The following GLIS3 variants were observed in gnomAD, a reference collection of about 807,000 sequenced individuals.
GLIS3 encodes the protein zinc finger protein GLIS3.
Under a neutral mutation model 78.6 loss-of-function variants are expected in GLIS3, and 53 were observed. The ratio of observed to expected loss-of-function variants is 0.67; its 90% CI spans 0.54 to 0.85. GLIS3 has a LOEUF of 0.85. GLIS3 is among the 40% of genes least tolerant of loss of function. GLIS3 has a pLI of 0.00. For missense variants in GLIS3, 1,703 were observed against 1,231.1 expected (o/e 1.38, Z -5.74); for synonymous variants, 684 against 509.9 (o/e 1.34, Z -4.60).
At chr9:4,158,301 CAT>C (rs1305148720) in intron 2 of GLIS3, among the ~76,000 whole-genome samples, 6 of 152,190 alleles carry the variant, frequency 3.9e-5, no homozygotes, top group Non-Finnish European at 7.3e-5. Context: ...TCAGTAAACA[CAT>C]GTTTGCCATA....
At chr9:4,344,217 A>G (rs1005935900) in intron 2 of GLIS3, among the ~76,000 whole-genome samples, 5 of 151,872 alleles carry the variant, frequency 3.3e-5, no homozygotes, top group African/African-American at 1.2e-4. Context: ...CACCATTTTT[A>G]TTTGCCCCAG....
At chr9:4,222,902 G>A (rs1378659365) in intron 2 of GLIS3, among the ~76,000 whole-genome samples, 1 of 152,168 alleles carries the variant, frequency 6.6e-6, no homozygotes, top group African/African-American at 2.4e-5. Flanking sequence ...ACTGAGCAGA[G>A]GGAACGGGGA....
intron 2 of GLIS3, among the ~76,000 whole-genome samples, chr9:4,280,160 C>T (rs1827415497): frequency 6.6e-6 from 1 of 152,204 alleles, no homozygotes; most frequent in Non-Finnish European, 1.5e-5. Context: ...GCTGCGTCAA[C>T]AGGCACATGC....
chr9:3,838,544 G>T (rs970825344), intron 9 of GLIS3, among the ~76,000 whole-genome samples: 1 of 152,154 alleles, frequency 6.6e-6, no homozygotes, highest in African/African-American at 2.4e-5. Flanking sequence ...AAAGACAACA[G>T]CAAGTATAAG....
At chr9:4,474,985 A>ATTTTTT in the GLIS3 span, among the ~76,000 whole-genome samples, 3,540 of 114,078 alleles carry the variant, frequency 0.031, 359 homozygotes, top group Non-Finnish European at 0.037. Flanking sequence ...GACTATGTTA[A>ATTTTTT]TTTTTTTTTC....
intron 4 of GLIS3, among the ~76,000 whole-genome samples, chr9:4,100,181 C>G (rs1773639280): frequency 6.6e-6 from 1 of 152,162 alleles, no homozygotes; most frequent in African/African-American, 2.4e-5. Context: ...GAAACCAGAA[C>G]AGGTGGTGTA....
intron 2 of GLIS3, among the ~76,000 whole-genome samples, chr9:4,227,442 C>G (rs918043914): frequency 6.6e-6 from 1 of 152,134 alleles, no homozygotes; most frequent in African/African-American, 2.4e-5. Context: ...ATTGATCTCT[C>G]TGATATGGAG....
intron 8 of GLIS3, among the ~76,000 whole-genome samples, chr9:3,869,268 TGTGTGTGTG>T (rs1563795501): frequency 4.3e-4 from 3 of 7,018 alleles, no homozygotes; most frequent in East Asian, 0.12. Flanking sequence ...TTATCTAGGG[TGTGTGTGTG>T]TGTGTGTGTG....
At chr9:4,405,251 G>A in the GLIS3 span, among the ~76,000 whole-genome samples, 2 of 152,076 alleles carry the variant, frequency 1.3e-5, no homozygotes, top group African/African-American at 4.8e-5. Flanking sequence ...CTACTCAGGA[G>A]GCTGAGGCAG....
At chr9:4,055,593 C>G (rs1006835439) in intron 4 of GLIS3, among the ~76,000 whole-genome samples, 3 of 152,154 alleles carry the variant, frequency 2.0e-5, no homozygotes, top group Admixed American at 6.6e-5. Context: ...ACAGAAGGTT[C>G]AACTTGAAAT....
chr9:4,459,603 A>C, the GLIS3 span, among the ~76,000 whole-genome samples: 2 of 152,178 alleles, frequency 1.3e-5, no homozygotes, highest in African/African-American at 2.4e-5. Context: ...ATCACTAGAA[A>C]AAATTTTAAA....
At chr9:4,033,629 G>A (rs1824045725) in intron 4 of GLIS3, among the ~76,000 whole-genome samples, 1 of 152,036 alleles carries the variant, frequency 6.6e-6, no homozygotes, top group Non-Finnish European at 1.5e-5. Context: ...GAGAATCCTA[G>A]GCTCCACCCT....
chr9:4,163,005 C>G (rs1363486594), intron 2 of GLIS3, among the ~76,000 whole-genome samples: 1 of 152,160 alleles, frequency 6.6e-6, no homozygotes, highest in African/African-American at 2.4e-5. Flanking sequence ...ACTTTCTACC[C>G]TCTCATCATC....
At chr9:4,407,626 G>A in the GLIS3 span, among the ~76,000 whole-genome samples, 1 of 152,300 alleles carries the variant, frequency 6.6e-6, no homozygotes, top group East Asian at 1.9e-4. Flanking sequence ...CAGCCTGGGA[G>A]ACAGAGCAAG....
the GLIS3 span, among the ~76,000 whole-genome samples, chr9:4,413,446 C>G: frequency 6.6e-6 from 1 of 152,090 alleles, no homozygotes; most frequent in African/African-American, 2.4e-5. Flanking sequence ...GTTGTACTTG[C>G]CTCCTAAGCC....
At chr9:4,222,930 GTTCTGC>G (rs1273765597) in intron 2 of GLIS3, among the ~76,000 whole-genome samples, 1 of 152,172 alleles carries the variant, frequency 6.6e-6, no homozygotes, top group African/African-American at 2.4e-5. Flanking sequence ...ATTATGCTCT[GTTCTGC>G]TTATCTCAGT....
intron 6 of GLIS3, among the ~76,000 whole-genome samples, chr9:3,914,538 T>A (rs1352807381): frequency 2.0e-5 from 3 of 152,166 alleles, no homozygotes; most frequent in Non-Finnish European, 4.4e-5. Flanking sequence ...TTCACATTTA[T>A]ATGTTGCCTC....
chr9:4,117,061 G>C (rs185581099), intron 4 of GLIS3, among the ~76,000 whole-genome samples: 19 of 152,308 alleles, frequency 1.2e-4, no homozygotes, highest in African/African-American at 4.1e-4. Flanking sequence ...GAAAGGCAGA[G>C]GCGAGGAAGA....
At chr9:4,285,886 C>G in intron 2 of GLIS3, 152 bp downstream of exon 2, 1 of 935,960 alleles carries the variant, frequency 1.1e-6, no homozygotes, top group Non-Finnish European at 1.7e-6. Flanking sequence ...CACCCATTCC[C>G]TTACTGAGCA....
Sources: allele counts gnomAD v4.1 joint callset (sites outside exome capture counted in the v4.1 genomes callset), GRCh38; gene constraint gnomAD v4.1.1; transcripts MANE v1.5; gene names NCBI Gene and HGNC (gene_info 2026-07-23, HGNC 2026-07-21).